The following DOCK3 variants were observed in gnomAD, a reference collection of about 807,000 sequenced individuals.
DOCK3 encodes the protein dedicator of cytokinesis protein 3.
Under a neutral mutation model 265.6 loss-of-function variants are expected in DOCK3, and 60 were observed. The ratio of observed to expected loss-of-function variants is 0.23; its 90% confidence interval spans 0.18 to 0.28. The LOEUF (loss-of-function observed/expected upper bound fraction) is 0.28, where lower values mean the gene tolerates loss of function less well. Ranked by LOEUF, DOCK3 falls within the 10% of genes least tolerant of loss-of-function variation. The pLI is 1.00. For missense variants in DOCK3, 1,981 were observed against 2,594.3 expected (o/e 0.76, Z 5.14); for synonymous variants, 881 against 938.0 (o/e 0.94, Z 1.11).
intron 32 of DOCK3, among the ~76,000 whole-genome samples, chr3:51,315,696 T>C (rs1354221211): frequency 3.3e-5 from 5 of 152,110 alleles, no homozygotes; most frequent in Admixed American, 6.6e-5. Flanking sequence ...CCAGGACCAA[T>C]AGGGGCTAAT....
Position 51,208,861 on chromosome 3 carries a change from T to C in DOCK3, c.1125T>C (p.His375=), listed in dbSNP as rs2089357264. Residue 375 remains histidine, a splice_region_variant and synonymous_variant, in exon 13 of 53, where the codon CAT becomes CAC. Transcript: ENST00000266037. ...SAKYSAPSAS[H]GLIISLQLLR... is the part of the protein sequence containing the mutation. ...AGTACTCTGCCCCCAGCGCCAGCCATGGTGAGATACTTCTCTGACTAGAAC... is the reference window on the plus strand; with the variant it reads ...AGTACTCTGCCCCCAGCGCCAGCCACGGTGAGATACTTCTCTGACTAGAAC... 1 of 1,609,178 alleles carries C rather than the reference T, an allele frequency of 6.2e-7. No individual in the cohort carries two copies. Among genetic ancestry groups the C allele is most frequent in the African/African-American group, 1.3e-5 (1 of 74,956 alleles).
intron 9 of DOCK3, among the ~76,000 whole-genome samples, chr3:51,106,622 T>G (rs1348989412): frequency 6.6e-6 from 1 of 152,146 alleles, no homozygotes; most frequent in African/African-American, 2.4e-5. Context: ...GGCATAAAAC[T>G]AGGCATGGAA....
At position 51,241,602 on chromosome 3, in the gene DOCK3, G is replaced by C. The variant is rs192596925; in HGVS notation, c.2102+4012G>C. Among the ~76,000 whole-genome samples the C allele has an allele frequency of 3.2e-4, 49 of 152,196 alleles. No individual in the cohort carries two copies. In the Middle Eastern group the frequency reaches 0.01, roughly 32 times the overall value. ...CTCTTTACATAATCCCATATTCCTC[G>C]GAGGTTTTGTTCATTCATTTTCATT... On this transcript the variant is annotated intron_variant, in intron 21 of 52. Coordinates refer to ENST00000266037, the MANE Select transcript of DOCK3 (RefSeq NM_004947.5).
chr3:51,326,059 TA>T (rs3074621), intron 32 of DOCK3, among the ~76,000 whole-genome samples: 123,107 of 146,308 alleles, frequency 0.84, 52,600 homozygotes, highest in Middle Eastern at 0.94. Context: ...CCTAAAGTAT[TA>T]AAAAAAAAAA....
chr3:50,925,824 C>CTTTTTTTTTTTTTTTTTTTTTTTTT (rs368819970), intron 4 of DOCK3, among the ~76,000 whole-genome samples: 2 of 88,426 alleles, frequency 2.3e-5, no homozygotes, highest in African/African-American at 1.0e-4. Flanking sequence ...TAAAACTAGT[C>CTTTTTTTTTTTTTTTTTTTTTTTTT]TTTTTTTTTT....
chr3:51,016,671 A>G (rs2079290774), intron 5 of DOCK3, among the ~76,000 whole-genome samples: 2 of 50,376 alleles, frequency 4.0e-5, no homozygotes, highest in Non-Finnish European at 7.3e-5. Context: ...ATTATATGAT[A>G]TATATTTATA....
intron 24 of DOCK3, among the ~76,000 whole-genome samples, chr3:51,274,039 G>A (rs757674387): frequency 2.0e-4 from 30 of 152,204 alleles, no homozygotes; most frequent in Non-Finnish European, 3.1e-4. Flanking sequence ...GTCTCAGAAC[G>A]GGTTAATAAG....
At chr3:51,355,917 C>T (rs1477691423) in intron 41 of DOCK3, among the ~76,000 whole-genome samples, 172 bp from the exon 42 acceptor site, 1 of 152,128 alleles carries the variant, frequency 6.6e-6, no homozygotes, top group East Asian at 1.9e-4. Flanking sequence ...TAGAGATTTA[C>T]CTAACTGAGC....
At chr3:51,280,240 G>C in intron 27 of DOCK3, 36 bp downstream of exon 27, 2 of 1,584,338 alleles carry the variant, frequency 1.3e-6, no homozygotes, top group Non-Finnish European at 1.7e-6. Flanking sequence ...GGGAGAGGAA[G>C]TGTGCAGCCA....
At chr3:51,339,196 A>T (rs1215426791) in intron 37 of DOCK3, among the ~76,000 whole-genome samples, 168 bp downstream of exon 37, 2 of 152,220 alleles carry the variant, frequency 1.3e-5, no homozygotes, top group Non-Finnish European at 2.9e-5. Flanking sequence ...TTTGTGGCAC[A>T]TGGTAGAGAG....
At chr3:50,783,365 A>G (rs1052348235) in intron 2 of DOCK3, among the ~76,000 whole-genome samples, 2 of 151,878 alleles carry the variant, frequency 1.3e-5, no homozygotes, top group Non-Finnish European at 2.9e-5. Context: ...AATTATGATC[A>G]TTCTTGCAAG....
chr3:50,723,836 A>G lies in DOCK3; in HGVS notation c.37+48536A>G, dbSNP rs146351001. Among the ~76,000 whole-genome samples, 1,167 of 152,358 alleles carry G rather than the reference A, an allele frequency of 7.7e-3. 16 individuals carry two copies. Among genetic ancestry groups the G allele is most frequent in the African/African-American group, 0.027 (1,116 of 41,578 alleles). ...CAAAAGCAATGGCAACAAAAGCCCA[A>G]ATAGACAGATGGGATCTAATTAAAC... On this transcript the variant is annotated intron_variant, in intron 1 of 52. Transcript: ENST00000266037.
intron 2 of DOCK3, among the ~76,000 whole-genome samples, chr3:50,830,251 C>T (rs2045058463): frequency 6.7e-6 from 1 of 150,066 alleles, no homozygotes; most frequent in Non-Finnish European, 1.5e-5. Context: ...GTTTTTGGCT[C>T]TTGAATTTAC....
At chr3:51,049,829 CCCA>C (rs1215907641) in intron 5 of DOCK3, among the ~76,000 whole-genome samples, 28 of 144,454 alleles carry the variant, frequency 1.9e-4, no homozygotes, top group African/African-American at 7.0e-4. Flanking sequence ...ACACACACAC[CCCA>C]AAAAAACACT....
At chr3:51,103,698 C>T (rs1194184493) in intron 9 of DOCK3, among the ~76,000 whole-genome samples, 2 of 152,182 alleles carry the variant, frequency 1.3e-5, no homozygotes, top group Non-Finnish European at 2.9e-5. Flanking sequence ...CCTCTGCCTT[C>T]AAGGACTTAA....
rs555511748 is a variant in DOCK3, at chr3:51,161,088, A to C, written c.1037+386A>C. ...GACACTCCGTTTCAAAGAAAAAAAA[A>C]AAAAACAAAAACACCTTGTGGACAC... On this transcript the variant is annotated intron_variant, in intron 12 of 52. Coordinates refer to ENST00000266037, the MANE Select transcript of DOCK3 (RefSeq NM_004947.5). 8.6e-4 allele frequency among the ~76,000 whole-genome samples: 129 copies of C among 149,836 alleles called. 3 individuals carry two copies. The highest frequency in any genetic ancestry group is 7.3e-4 in the Non-Finnish European group (49 of 67,340).
intron 10 of DOCK3, among the ~76,000 whole-genome samples, chr3:51,157,191 C>T (rs369810513): frequency 6.6e-6 from 1 of 151,884 alleles, no homozygotes; most frequent in African/African-American, 2.4e-5. Flanking sequence ...TATAAACATA[C>T]TTTATTATTT....
intron 5 of DOCK3, among the ~76,000 whole-genome samples, chr3:50,984,801 A>G (rs1271148872): frequency 6.6e-6 from 1 of 152,262 alleles, no homozygotes; most frequent in East Asian, 1.9e-4. Flanking sequence ...AACAAAATAA[A>G]AAATAAATAA....
rs533052192 is a variant in DOCK3 at position 51,229,719 on chromosome 3, TTTG to T, written c.1917+131_1917+133del. ...CCGTCTGAGACTGTTTCATCAGATTTTTGTTGTTGTTGTTGTTGTTGTTAGCTT... is the reference window on the plus strand; with the variant it reads ...CCGTCTGAGACTGTTTCATCAGATTTTTGTTGTTGTTGTTGTTGTTAGCTT... On this transcript the variant is annotated intron_variant, in intron 19 of 52. Transcript: ENST00000266037. The T allele has an allele frequency of 4.3e-3, 3,280 of 770,870 alleles. 78 individuals carry two copies. In the African/African-American group the frequency reaches 0.043, roughly 10 times the overall value. The allele number at this position is 770,870 out of a possible 1,614,324, so 47.8% of individuals were successfully genotyped here. A position where few individuals can be genotyped will look rare whatever the true frequency, so the allele number is the denominator to read the frequency against.
Sources: gnomAD v4.1 joint callset for allele counts (sites outside exome capture counted in the v4.1 genomes callset) on GRCh38, gnomAD v4.1.1 for gene constraint, MANE v1.5 for transcripts, NCBI Gene and HGNC (gene_info 2026-07-23, HGNC 2026-07-21) for gene names.